SEMA3A: variants seen among roughly 807,000 people sequenced by gnomAD.
SEMA3A encodes semaphorin 3A.
Under a neutral mutation model 97.9 loss-of-function variants are expected in SEMA3A, and 29 were observed. That is an observed-to-expected ratio of 0.30 (90% CI 0.22 to 0.40). The LOEUF (loss-of-function observed/expected upper bound fraction) is 0.40, where lower values mean the gene tolerates loss of function less well. Among genes scored for constraint, SEMA3A ranks in the 10% least tolerant of loss-of-function variants. The pLI is 1.00. For missense variants in SEMA3A, 763 were observed against 951.3 expected, an observed-to-expected ratio of 0.80 and a Z score of 2.60; for synonymous variants, 321 against 323.7, an observed-to-expected ratio of 0.99 and a Z score of 0.09.
intron 1 of SEMA3A, among the ~76,000 whole-genome samples, chr7:84,382,702 CAAAAAAAAAAAAAAA>C (rs377120252): frequency 2.2e-4 from 18 of 82,064 alleles, no homozygotes; most frequent in African/African-American, 5.5e-4. Flanking sequence ...ACTAAAAATC[CAAAAAAAAAAAAAAA>C]AAAAAAAAAA....
At chr7:84,477,093 T>TA in intron 1 of SEMA3A, among the ~76,000 whole-genome samples, 1 of 143,436 alleles carries the variant, frequency 7.0e-6, no homozygotes, top group Non-Finnish European at 1.6e-5. Flanking sequence ...TATATATATA[T>TA]TTTTCAAAAA....
chr7:84,384,767 C>T (rs144123554), intron 1 of SEMA3A, among the ~76,000 whole-genome samples: 65 of 152,174 alleles, frequency 4.3e-4, no homozygotes, highest in African/African-American at 1.3e-3. Context: ...TTCTTGAGTA[C>T]GACTAGTTCT....
intron 6 of SEMA3A, among the ~76,000 whole-genome samples, chr7:84,039,021 A>C (rs1792039769): frequency 6.6e-6 from 1 of 152,174 alleles, no homozygotes; most frequent in African/African-American, 2.4e-5. Flanking sequence ...ATAGCTTGAC[A>C]ACATTTTAAG....
At position 84,112,192 on chromosome 7, in the gene SEMA3A, T is replaced by C. The variant is rs148789889; in HGVS notation, c.334-1603A>G. ...ACTTTGAAACACATAGGTGGCCACA[T>C]ACTCTGCTTTTATATAAAGATTATC... On this transcript the variant is annotated intron_variant, in intron 3 of 16. Transcript: ENST00000265362. 6.4e-3 allele frequency among the ~76,000 whole-genome samples: 979 copies of C among 152,334 alleles called. 5 individuals are homozygous for C. The highest frequency in any genetic ancestry group is 0.022 in the African/African-American group (916 of 41,592).
chr7:84,296,369 T>C (rs1800871257), intron 3 of SEMA3A, among the ~76,000 whole-genome samples: 4 of 152,154 alleles, frequency 2.6e-5, no homozygotes, highest in Admixed American at 2.6e-4. Flanking sequence ...AACACGCTTA[T>C]CTACTAGTTT....
chr7:84,468,471 A>G (rs1223675930), intron 1 of SEMA3A, among the ~76,000 whole-genome samples: 1 of 152,194 alleles, frequency 6.6e-6, no homozygotes, highest in East Asian at 1.9e-4. Context: ...TAGATGCCAT[A>G]AAGTTTTGAT....
chr7:84,419,841 G>T (rs1804537461), intron 1 of SEMA3A, among the ~76,000 whole-genome samples: 1 of 152,130 alleles, frequency 6.6e-6, no homozygotes, highest in Non-Finnish European at 1.5e-5. Context: ...ATTGTTAACA[G>T]CCTGATTAAG....
intron 3 of SEMA3A, among the ~76,000 whole-genome samples, chr7:84,231,086 C>A (rs1448848847): frequency 6.6e-6 from 1 of 151,924 alleles, no homozygotes; most frequent in Non-Finnish European, 1.5e-5. Context: ...GATGCTTCTT[C>A]CCTGGGGTGA....
intron 6 of SEMA3A, among the ~76,000 whole-genome samples, chr7:84,042,725 G>T (rs967701024): frequency 1.3e-5 from 2 of 152,052 alleles, no homozygotes; most frequent in East Asian, 3.9e-4. Flanking sequence ...TCATTCTAAA[G>T]ATAGTCTTTC....
In SEMA3A at chr7:84,477,062, TAA is replaced by T. The variant is rs1423521163; in HGVS notation, c.-246+15396_-246+15397del. 8.1e-3 allele frequency among the ~76,000 whole-genome samples: 1,031 copies of T among 127,404 alleles called. 6 individuals are homozygous for T. The highest frequency in any genetic ancestry group is 0.018 in the East Asian group (70 of 3,904). 83.6% of individuals were successfully genotyped at this position (127,404 alleles called of 152,430 possible). A position where few individuals can be genotyped will look rare whatever the true frequency, so the allele number is the denominator to read the frequency against. On this transcript the variant is annotated intron_variant, in intron 1 of 3. Coordinates refer to the SEMA3A transcript ENST00000424555. ...GGTAGAGTATATGCCATGTGTTTGTTAAAAAAAAAAAATATATATATATATAT... is the reference window on the plus strand; with the variant it reads ...GGTAGAGTATATGCCATGTGTTTGTTAAAAAAAAAATATATATATATATAT...
intron 7 of SEMA3A, among the ~76,000 whole-genome samples, chr7:84,012,052 A>G (rs1411150322): frequency 6.6e-6 from 1 of 152,122 alleles, no homozygotes; most frequent in Non-Finnish European, 1.5e-5. Context: ...ACAGATGCAG[A>G]GAGTAGAATG....
intron 3 of SEMA3A, among the ~76,000 whole-genome samples, chr7:84,123,732 T>C (rs1795703973): frequency 6.9e-6 from 1 of 145,750 alleles, no homozygotes; most frequent in Non-Finnish European, 1.5e-5. Context: ...AAAATATATA[T>C]ATTTAAAATA....
intron 1 of SEMA3A, among the ~76,000 whole-genome samples, chr7:84,476,916 A>G (rs1806299433): frequency 6.6e-6 from 1 of 151,728 alleles, no homozygotes; most frequent in Admixed American, 6.6e-5. Context: ...AAATAATAAG[A>G]TAACATTTTG....
At chr7:84,387,859 C>T (rs991025732) in intron 1 of SEMA3A, among the ~76,000 whole-genome samples, 1 of 152,290 alleles carries the variant, frequency 6.6e-6, no homozygotes, top group African/African-American at 2.4e-5. Flanking sequence ...GCTGCCACAA[C>T]AGGCATGTTT....
intron 3 of SEMA3A, among the ~76,000 whole-genome samples, chr7:84,270,457 T>C (rs984275285): frequency 9.9e-5 from 15 of 151,430 alleles, no homozygotes; most frequent in Non-Finnish European, 2.2e-4. Context: ...GACTCTTAGT[T>C]TTTTTGCTTA....
chr7:84,442,493 A>C (rs1159199637), intron 1 of SEMA3A, among the ~76,000 whole-genome samples: 1 of 152,100 alleles, frequency 6.6e-6, no homozygotes, highest in African/African-American at 2.4e-5. Flanking sequence ...AATGAGGAAA[A>C]AAATCTGAAA....
chr7:84,067,489 T>C (rs1793563549), intron 4 of SEMA3A, among the ~76,000 whole-genome samples: 1 of 150,914 alleles, frequency 6.6e-6, no homozygotes, highest in African/African-American at 2.4e-5. Flanking sequence ...ACAGGCAACC[T>C]ACAAAATGGG....
At chr7:84,004,807 G>C (rs897034495) in intron 11 of SEMA3A, among the ~76,000 whole-genome samples, 1 of 152,148 alleles carries the variant, frequency 6.6e-6, no homozygotes, top group Non-Finnish European at 1.5e-5. Context: ...TTTATTAAAG[G>C]TGAATTATAC....
At chr7:84,266,332 A>T (rs978171168) in intron 3 of SEMA3A, among the ~76,000 whole-genome samples, 1 of 151,434 alleles carries the variant, frequency 6.6e-6, no homozygotes, top group Admixed American at 6.6e-5. Flanking sequence ...AAAAAAAAAA[A>T]AAAAAGAAAA....
Sources: allele counts gnomAD v4.1 joint callset (sites outside exome capture counted in the v4.1 genomes callset), GRCh38; gene constraint gnomAD v4.1.1; transcripts MANE v1.5; gene names NCBI Gene and HGNC (gene_info 2026-07-23, HGNC 2026-07-21).